ADAMTS6: variants seen among roughly 807,000 people sequenced by gnomAD.
ADAMTS6 encodes ADAM metallopeptidase with thrombospondin type 1 motif 6, also known as A disintegrin and metalloproteinase with thrombospondin motifs 6.
In ADAMTS6, 23 loss-of-function variants were observed where a neutral mutation model predicts 144.3. That is an observed-to-expected ratio of 0.16 (90% CI 0.11 to 0.23). The LOEUF (loss-of-function observed/expected upper bound fraction) is 0.23. Ranked by LOEUF, ADAMTS6 falls within the 10% of genes least tolerant of loss-of-function variation. ADAMTS6 has a pLI of 1.00. For synonymous variants in ADAMTS6, 444 were observed against 457.5 expected (o/e 0.97, Z 0.38); for missense variants, 999 against 1,379.6 (o/e 0.72, Z 4.37).
chr5:65,353,518 G>A (rs1580469832), intron 7 of ADAMTS6, among the ~76,000 whole-genome samples: 2 of 151,944 alleles, frequency 1.3e-5, no homozygotes, highest in East Asian at 3.9e-4. Flanking sequence ...ACTATGGAAT[G>A]CTGGGTAAAC....
intron 7 of ADAMTS6, among the ~76,000 whole-genome samples, chr5:65,403,106 G>C (rs1754082914): frequency 1.3e-5 from 2 of 151,814 alleles, no homozygotes; most frequent in Non-Finnish European, 2.9e-5. Context: ...AACTATCACA[G>C]TCATCTGATA....
In ADAMTS6 at chr5:65,433,362, G is replaced by A. The variant is rs1382596742; in HGVS notation, c.1073+18113C>T. ...CATTATAATCCAACAAACTCAAAGA[G>A]CTTTGGTGTTCAGCCCCAAATACCA... is the stretch of plus-strand genomic sequence containing the variant. On this transcript the variant is annotated intron_variant, in intron 7 of 24. Transcript: ENST00000381055. Among the ~76,000 whole-genome samples the A allele has an allele frequency of 3.3e-5, 5 of 152,204 alleles. No individual in the cohort carries two copies. The East Asian group carries it at 9.6e-4, about 29-fold the overall frequency.
At position 65,242,170 on chromosome 5, in the gene ADAMTS6, G is replaced by T; in HGVS notation, c.1867C>A (p.Gln623Lys). 1 of 1,601,032 alleles carries T rather than the reference G, an allele frequency of 6.2e-7. No homozygotes were observed. Reference protein sequence around the residue: ...PLGSRDFREKQCADFDNMPFR... With the variant: ...PLGSRDFREKKCADFDNMPFR... ...GGCATATTGTCAAAGTCTGCACACT[G>T]TTTCTCTCGAAAATCTCGGGAACCC... Residue 623 changes from glutamine to lysine, a missense_variant, in exon 15 of 25, where the codon CAG becomes AAG. Around this residue, in one of 3 missense-constraint regions of ADAMTS6, gnomAD observed 619 missense variants for 837.0 expected, o/e 0.74. Coordinates refer to ENST00000381055, the MANE Select transcript of ADAMTS6 (RefSeq NM_197941.4).
intron 9 of ADAMTS6, among the ~76,000 whole-genome samples, chr5:65,302,406 C>T (rs974761014): frequency 3.2e-4 from 47 of 147,884 alleles, no homozygotes; most frequent in African/African-American, 1.1e-3. Context: ...ATTTTTCTCC[C>T]AGCCCCATAT....
chr5:65,263,168 G>C (rs184560094), intron 12 of ADAMTS6, among the ~76,000 whole-genome samples: 18 of 152,132 alleles, frequency 1.2e-4, no homozygotes, highest in Admixed American at 9.2e-4. Context: ...TGATTTATAA[G>C]CCTCTAACCT....
At chr5:65,346,832 T>A (rs1748365548) in intron 7 of ADAMTS6, among the ~76,000 whole-genome samples, 1 of 151,438 alleles carries the variant, frequency 6.6e-6, no homozygotes, top group Non-Finnish European at 1.5e-5. Flanking sequence ...TTAGAACTAA[T>A]AACATAAATT....
chr5:65,186,770 G>A (rs1259929655), intron 22 of ADAMTS6, among the ~76,000 whole-genome samples: 2 of 152,156 alleles, frequency 1.3e-5, no homozygotes, highest in African/African-American at 4.8e-5. Context: ...TCTAACTTAG[G>A]TAGGCAGAAT....
chr5:65,285,400 G>C (rs1038231122), intron 11 of ADAMTS6, among the ~76,000 whole-genome samples: 1 of 152,028 alleles, frequency 6.6e-6, no homozygotes, highest in Non-Finnish European at 1.5e-5. Context: ...TCATCTATTT[G>C]TCAAATATTT....
At chr5:65,408,074 G>C (rs1329533575) in intron 7 of ADAMTS6, among the ~76,000 whole-genome samples, 2 of 152,176 alleles carry the variant, frequency 1.3e-5, no homozygotes, top group Non-Finnish European at 2.9e-5. Flanking sequence ...TCGATGCTAG[G>C]AAGAAACTAC....
At chr5:65,458,472 C>T (rs182038951) in intron 4 of ADAMTS6, among the ~76,000 whole-genome samples, 2 of 152,156 alleles carry the variant, frequency 1.3e-5, no homozygotes, top group African/African-American at 4.8e-5. Context: ...AGTGCAGTGG[C>T]ACAATCTGTG....
chr5:65,159,465 G>A (rs1193651571), intron 24 of ADAMTS6, among the ~76,000 whole-genome samples: 1 of 152,078 alleles, frequency 6.6e-6, no homozygotes, highest in Non-Finnish European at 1.5e-5. Flanking sequence ...CCACCGCAGC[G>A]ATAGCAAACT....
Position 65,224,331 on chromosome 5 carries a change from T to G in ADAMTS6, c.2261A>C (p.Lys754Thr). The stretch of plus-strand genomic sequence containing the variant: ...CCAGTCTAACATACCAATATAGTTC[T>G]TTGACATGGCAACTTCTCTAACTTC... Reference protein sequence around the residue: ...HIEVREVAMSKNYIALKSEGD... With the variant: ...HIEVREVAMSTNYIALKSEGD... Residue 754 changes from lysine to threonine, a missense_variant, in exon 18 of 25, where the codon AAG becomes ACG. Transcript: ENST00000381055. The G allele has an allele frequency of 6.2e-7, 1 of 1,614,006 alleles. No individual in the cohort carries two copies. The highest frequency in any genetic ancestry group is 8.5e-7 in the Non-Finnish European group (1 of 1,179,888).
intron 7 of ADAMTS6, among the ~76,000 whole-genome samples, chr5:65,367,802 G>T (rs565365703): frequency 6.6e-6 from 1 of 151,682 alleles, no homozygotes; most frequent in South Asian, 2.1e-4. Flanking sequence ...GTTTCCTGGG[G>T]AACAAACTGG....
chr5:65,380,530 C>T (rs1307784771), intron 7 of ADAMTS6, among the ~76,000 whole-genome samples: 3 of 152,116 alleles, frequency 2.0e-5, no homozygotes, highest in African/African-American at 7.2e-5. Flanking sequence ...GAGACAAGAT[C>T]ATGCCACTGC....
chr5:65,427,670 T>TG (rs939442320), intron 7 of ADAMTS6, among the ~76,000 whole-genome samples: 1 of 151,072 alleles, frequency 6.6e-6, no homozygotes, highest in African/African-American at 2.4e-5. Context: ...TGGTGGCGGG[T>TG]GCCTGTAGTC....
intron 22 of ADAMTS6, among the ~76,000 whole-genome samples, chr5:65,186,685 T>C (rs1754692831): frequency 6.6e-6 from 1 of 152,200 alleles, no homozygotes; most frequent in African/African-American, 2.4e-5. Context: ...GGAGAGTCCA[T>C]ACTGTTTTCC....
chr5:65,393,463 G>A (rs1753091983), intron 7 of ADAMTS6, among the ~76,000 whole-genome samples: 1 of 152,044 alleles, frequency 6.6e-6, no homozygotes, highest in Non-Finnish European at 1.5e-5. Context: ...TCTCCAAATG[G>A]CTGAATTATC....
chr5:65,442,605 A>G (rs539666142), intron 7 of ADAMTS6, among the ~76,000 whole-genome samples: 46 of 152,312 alleles, frequency 3.0e-4, no homozygotes, highest in African/African-American at 1.1e-3. Flanking sequence ...AAAAAACTAC[A>G]GAACAACATC....
intron 11 of ADAMTS6, among the ~76,000 whole-genome samples, chr5:65,286,275 G>C (rs1741643480): frequency 6.6e-6 from 1 of 152,046 alleles, no homozygotes; most frequent in Admixed American, 6.6e-5. Flanking sequence ...GTCAATTTTA[G>C]GTCATAGTAA....
Sources: gnomAD v4.1 joint callset for allele counts (sites outside exome capture counted in the v4.1 genomes callset) on GRCh38, gnomAD v4.1.1 for gene constraint, gnomAD v4.1.1 regional missense constraint, MANE v1.5 for transcripts, NCBI Gene and HGNC (gene_info 2026-07-23, HGNC 2026-07-21) for gene names.